Variants in RABGAP1L observed in about 807,000 individuals in gnomAD.
RABGAP1L encodes the protein rab GTPase-activating protein 1-like.
Under a neutral mutation model 137.7 loss-of-function variants are expected in RABGAP1L, and 63 were observed. The ratio of observed to expected loss-of-function variants is 0.46; its 90% confidence interval spans 0.37 to 0.56. The LOEUF (loss-of-function observed/expected upper bound fraction) is 0.56, where lower values mean the gene tolerates loss of function less well. RABGAP1L is among the 20% of genes least tolerant of loss of function. RABGAP1L has a pLI of 0.00. For missense variants in RABGAP1L, 1,095 were observed against 1,244.0 expected, an observed-to-expected ratio of 0.88 and a Z score of 1.80; for synonymous variants, 431 against 433.7, an observed-to-expected ratio of 0.99 and a Z score of 0.08.
intron 19 of RABGAP1L, among the ~76,000 whole-genome samples, chr1:174,834,602 C>T (rs915282155): frequency 3.4e-5 from 5 of 147,688 alleles, no homozygotes; most frequent in East Asian, 2.0e-4. Flanking sequence ...AGCCCATCCC[C>T]GCCCCCCCCG....
chr1:174,614,109 G>A (rs1297103003), intron 13 of RABGAP1L, among the ~76,000 whole-genome samples: 1 of 152,066 alleles, frequency 6.6e-6, no homozygotes, highest in African/African-American at 2.4e-5. Context: ...TATGATGTTA[G>A]CTGGTGATTT....
At position 174,231,175 on chromosome 1, in the gene RABGAP1L, G is replaced by A; in HGVS notation, c.362G>A (p.Gly121Asp). ...EISTPRPSSP[G>D]GLPEEDSVLF... The stretch of plus-strand genomic sequence containing the variant: ...TCTACACCCAGACCATCTTCTCCAG[G>A]TGGACTACCTGAAGAAGATAGTGTT... The change falls in exon 4 of 26, where the codon GGT becomes GAT. Residue 121 changes from glycine (G) to aspartate (D), a missense_variant. This residue lies in a region of RABGAP1L where 356 missense variants were observed against 326.3 expected (regional missense o/e 1.09). Coordinates refer to ENST00000681986, the MANE Select transcript of RABGAP1L (RefSeq NM_001366446.1). 3 of 1,613,126 alleles carry A rather than the reference G, an allele frequency of 1.9e-6. No homozygotes were observed. Among genetic ancestry groups the A allele is most frequent in the Non-Finnish European group, 2.5e-6 (3 of 1,179,556 alleles).
intron 18 of RABGAP1L, chr1:174,799,981 C>G: frequency 1.9e-6 from 2 of 1,038,658 alleles, no homozygotes; most frequent in South Asian, 3.6e-5. Context: ...CACACACACT[C>G]TCACACATTC....
chr1:174,457,021 A>G (rs1656109657), intron 13 of RABGAP1L, among the ~76,000 whole-genome samples: 1 of 152,196 alleles, frequency 6.6e-6, no homozygotes, highest in Non-Finnish European at 1.5e-5. Flanking sequence ...TCTTAAGAGT[A>G]ACTCATTGAA....
At chr1:174,391,249 A>G (rs1687187958) in intron 12 of RABGAP1L, among the ~76,000 whole-genome samples, 2 of 152,046 alleles carry the variant, frequency 1.3e-5, no homozygotes, top group Admixed American at 6.6e-5. Context: ...TTCCATACCA[A>G]CTCTTGAAAT....
intron 18 of RABGAP1L, among the ~76,000 whole-genome samples, chr1:174,765,638 C>T (rs572474933): frequency 6.6e-6 from 1 of 151,998 alleles, no homozygotes; most frequent in African/African-American, 2.4e-5. Context: ...TACTATGTTG[C>T]CCAGGCTGAG....
chr1:174,328,375 TCAA>T, intron 11 of RABGAP1L, among the ~76,000 whole-genome samples: 1 of 152,144 alleles, frequency 6.6e-6, no homozygotes, highest in East Asian at 1.9e-4. Flanking sequence ...GAAGTTGAAA[TCAA>T]CAACAGGAGG....
At chr1:174,437,372 A>G (rs908636325) in intron 13 of RABGAP1L, among the ~76,000 whole-genome samples, 2 of 152,254 alleles carry the variant, frequency 1.3e-5, no homozygotes, top group Admixed American at 6.5e-5. Flanking sequence ...GGAAGTCCTT[A>G]AAGGACCTGA....
chr1:174,514,247 CAA>C lies in RABGAP1L; in HGVS notation c.1710+120124_1710+120125del, dbSNP rs776487855. 8.6e-3 allele frequency among the ~76,000 whole-genome samples: 699 copies of C among 81,052 alleles called. 5 individuals carry two copies. The highest frequency in any genetic ancestry group is 0.024 in the African/African-American group (555 of 23,250). 53.2% of individuals were successfully genotyped at this position (81,052 alleles called of 152,430 possible). The stretch of plus-strand genomic sequence containing the variant: ...ATGAAGCATGTGTTATATTTTAAGC[CAA>C]AAAAAAAAAAAAAAAAAAAAACTGG... On this transcript the variant is annotated intron_variant, in intron 13 of 25. Coordinates refer to ENST00000681986, the MANE Select transcript of RABGAP1L (RefSeq NM_001366446.1).
At chr1:174,507,919 T>C (rs1247599895) in intron 13 of RABGAP1L, among the ~76,000 whole-genome samples, 1 of 152,168 alleles carries the variant, frequency 6.6e-6, no homozygotes, top group Non-Finnish European at 1.5e-5. Flanking sequence ...TTTTGTATTC[T>C]CTACAGGGTA....
At chr1:174,460,609 A>G (rs1352019217) in intron 13 of RABGAP1L, among the ~76,000 whole-genome samples, 3 of 152,120 alleles carry the variant, frequency 2.0e-5, no homozygotes, top group Non-Finnish European at 4.4e-5. Flanking sequence ...GTATTTTAAG[A>G]TTATTTATGT....
chr1:174,205,982 A>G (rs758172922), intron 1 of RABGAP1L, among the ~76,000 whole-genome samples: 7 of 152,232 alleles, frequency 4.6e-5, no homozygotes, highest in Admixed American at 1.3e-4. Flanking sequence ...ACTCAGGGAT[A>G]TGACTTGGTT....
chr1:174,570,948 A>G (rs1026680076), intron 13 of RABGAP1L, among the ~76,000 whole-genome samples: 1 of 152,224 alleles, frequency 6.6e-6, no homozygotes, highest in African/African-American at 2.4e-5. Flanking sequence ...AAATGAGTAT[A>G]TGGAAGAGAT....
rs185089920 is a variant in RABGAP1L at position 174,719,165 on chromosome 1, T to G, written c.2169+16909T>G. Among the ~76,000 whole-genome samples the G allele has an allele frequency of 2.7e-3, 413 of 152,284 alleles. 2 individuals are homozygous for G. The highest frequency in any genetic ancestry group is 4.2e-3 in the Non-Finnish European group (285 of 68,024). On this transcript the variant is annotated intron_variant, in intron 17 of 25. Coordinates refer to ENST00000681986, the MANE Select transcript of RABGAP1L (RefSeq NM_001366446.1). Reference sequence around the variant, plus strand: ...ATAGTATGGTAGGTTTTCTGAGGCCTTCTTTATACCAGTATTAAAAATGAA... The same window carrying G: ...ATAGTATGGTAGGTTTTCTGAGGCCGTCTTTATACCAGTATTAAAAATGAA...
intron 13 of RABGAP1L, among the ~76,000 whole-genome samples, chr1:174,635,647 A>AT (rs146299198): frequency 0.37 from 56,149 of 151,954 alleles, 13,632 homozygotes; most frequent in African/African-American, 0.69. Context: ...TTAAGGCTCT[A>AT]TTTTAATTCA....
chr1:174,274,060 A>T (rs909040088), intron 8 of RABGAP1L, among the ~76,000 whole-genome samples: 1 of 152,172 alleles, frequency 6.6e-6, no homozygotes, highest in Non-Finnish European at 1.5e-5. Context: ...TCATTACCTT[A>T]TGTTAAAGTC....
At chr1:174,525,652 G>A (rs1350384233) in intron 13 of RABGAP1L, among the ~76,000 whole-genome samples, 2 of 152,084 alleles carry the variant, frequency 1.3e-5, no homozygotes, top group African/African-American at 2.4e-5. Flanking sequence ...ACTGATTGCT[G>A]TGGCTGGAAC....
chr1:174,456,605 GATAA>G (rs923588604), intron 13 of RABGAP1L, among the ~76,000 whole-genome samples: 3 of 151,900 alleles, frequency 2.0e-5, no homozygotes, highest in African/African-American at 4.8e-5. Context: ...TTGAATTAGT[GATAA>G]ATAAAACCTT....
At chr1:174,550,943 TAC>T (rs1368761121) in intron 13 of RABGAP1L, among the ~76,000 whole-genome samples, 2 of 117,654 alleles carry the variant, frequency 1.7e-5, no homozygotes, top group Admixed American at 8.7e-5. Context: ...CACATATATA[TAC>T]ACACATATAT....
Sources: allele counts gnomAD v4.1 joint callset (sites outside exome capture counted in the v4.1 genomes callset), GRCh38; gene constraint gnomAD v4.1.1; regional missense constraint gnomAD v4.1.1; transcripts MANE v1.5; gene names NCBI Gene and HGNC (gene_info 2026-07-23, HGNC 2026-07-21).